ACBD6: variants seen among roughly 807,000 people sequenced by gnomAD.
ACBD6 encodes acyl-CoA-binding domain-containing protein 6.
Under a neutral mutation model 37.2 loss-of-function variants are expected in ACBD6, and 28 were observed. The observed-to-expected ratio is 0.75, with a 90% CI of 0.56 to 1.03. ACBD6 has a LOEUF of 1.03. ACBD6 is among the 50% of genes least tolerant of loss of function. The probability of loss-of-function intolerance (pLI) is 0.00; values close to 1 mark genes in which losing one functional copy is unlikely to be tolerated. For synonymous variants in ACBD6, 113 were observed against 126.8 expected, an observed-to-expected ratio of 0.89 and a Z score of 0.73; for missense variants, 340 against 337.4, an observed-to-expected ratio of 1.01 and a Z score of -0.06.
rs1311687247 is a variant in ACBD6, at chr1:180,502,282, C to G, written c.-16G>C. The G allele has an allele frequency of 6.2e-7, 1 of 1,611,742 alleles. No individual in the cohort carries two copies. The highest frequency in any genetic ancestry group is 1.7e-5 in the Admixed American group (1 of 60,008). On this transcript the variant is annotated 5_prime_UTR_variant, in exon 1 of 8. Transcript: ENST00000367595. The stretch of plus-strand genomic sequence containing the variant: ...ATGAAGCCATGTCTCCTTGCTCGCT[C>G]CGTCCCTCTGTGTCCGGTCTGTCCT...
chr1:180,334,166 A>G (rs1450680836), intron 6 of ACBD6, among the ~76,000 whole-genome samples: 1 of 152,224 alleles, frequency 6.6e-6, no homozygotes, highest in Non-Finnish European at 1.5e-5. Flanking sequence ...TGAAGAGAGT[A>G]GTGGTTCTCC....
chr1:180,305,637 C>T (rs1305697941), intron 7 of ACBD6, among the ~76,000 whole-genome samples: 1 of 152,142 alleles, frequency 6.6e-6, no homozygotes, highest in African/African-American at 2.4e-5. Context: ...AATAGAAACA[C>T]TTTTACACTG....
rs529078961 is a variant in ACBD6, at chr1:180,342,914, AT to A, written c.664-28193del. Among the ~76,000 whole-genome samples the A allele has an allele frequency of 3.4e-3, 509 of 151,908 alleles. 5 individuals are homozygous for A. Among genetic ancestry groups the A allele is most frequent in the African/African-American group, 0.012 (495 of 41,478 alleles). On this transcript the variant is annotated intron_variant, in intron 6 of 7. Transcript: ENST00000367595. Reference sequence around the variant, plus strand: ...ATTTTTCTAGATTTAAATTGATTGAATTTTTTTTGTTGTTTCATTTCAAATG... The same window carrying A: ...ATTTTTCTAGATTTAAATTGATTGAATTTTTTTGTTGTTTCATTTCAAATG...
At chr1:180,331,439 T>C (rs1651476856) in intron 6 of ACBD6, among the ~76,000 whole-genome samples, 1 of 152,208 alleles carries the variant, frequency 6.6e-6, no homozygotes, top group East Asian at 1.9e-4. Flanking sequence ...ACTTATATAA[T>C]CAGAATTTCC....
chr1:180,497,283 T>C (rs1222379933), intron 1 of ACBD6, among the ~76,000 whole-genome samples: 1 of 152,204 alleles, frequency 6.6e-6, no homozygotes, highest in Non-Finnish European at 1.5e-5. Flanking sequence ...CTAAACATTA[T>C]ACATGGCCAT....
intron 1 of ACBD6, among the ~76,000 whole-genome samples, chr1:180,495,964 G>A (rs1284465496): frequency 6.6e-6 from 1 of 152,152 alleles, no homozygotes; most frequent in South Asian, 2.1e-4. Context: ...AACGCTATTA[G>A]CATTTTAACT....
At chr1:180,500,200 G>A (rs1261796658) in intron 1 of ACBD6, among the ~76,000 whole-genome samples, 2 of 150,474 alleles carry the variant, frequency 1.3e-5, no homozygotes, top group Non-Finnish European at 3.0e-5. Flanking sequence ...CAAATACAGG[G>A]GAAAATACGT....
At chr1:180,350,297 G>C (rs114301164) in intron 6 of ACBD6, among the ~76,000 whole-genome samples, 427 of 152,234 alleles carry the variant, frequency 2.8e-3, no homozygotes, top group African/African-American at 9.9e-3. Flanking sequence ...GCCACCCAAA[G>C]TGCTTGGATT....
intron 3 of ACBD6, among the ~76,000 whole-genome samples, chr1:180,479,596 G>A (rs933756992): frequency 1.3e-5 from 2 of 151,860 alleles, no homozygotes; most frequent in African/African-American, 4.8e-5. Flanking sequence ...CAGAGTAGAG[G>A]GACTACACTT....
intron 8 of ACBD6, among the ~76,000 whole-genome samples, chr1:180,282,595 G>C (rs1033885957): frequency 6.6e-6 from 1 of 152,124 alleles, no homozygotes; most frequent in Admixed American, 6.5e-5. Flanking sequence ...TGGAATCCTT[G>C]AAGGTTGCCT....
chr1:180,420,795 G>A (rs887228984), intron 4 of ACBD6, among the ~76,000 whole-genome samples: 3 of 152,156 alleles, frequency 2.0e-5, no homozygotes, highest in Admixed American at 6.5e-5. Flanking sequence ...TCAAGGCACA[G>A]GGGTTAACAG....
chr1:180,285,260 G>A (rs1051678380), downstream of ACBD6, among the ~76,000 whole-genome samples: 2 of 152,130 alleles, frequency 1.3e-5, no homozygotes, highest in Non-Finnish European at 2.9e-5. Context: ...ACTGAACTAC[G>A]ATATGCCATT....
chr1:180,478,542 G>A (rs1312981830), intron 3 of ACBD6, among the ~76,000 whole-genome samples: 1 of 150,710 alleles, frequency 6.6e-6, no homozygotes. Context: ...AGGCTGGAGT[G>A]CAATGGCACA....
intron 3 of ACBD6, among the ~76,000 whole-genome samples, chr1:180,456,815 A>G (rs1649944369): frequency 6.6e-6 from 1 of 151,940 alleles, no homozygotes; most frequent in South Asian, 2.1e-4. Flanking sequence ...CCTCAGCCTC[A>G]GCCTCCCGGG....
At chr1:180,487,175 T>C (rs759380390) in intron 3 of ACBD6, among the ~76,000 whole-genome samples, 2 of 152,120 alleles carry the variant, frequency 1.3e-5, no homozygotes, top group Non-Finnish European at 1.5e-5. Context: ...AATGATAAAT[T>C]TGAATATGGA....
intron 7 of ACBD6, among the ~76,000 whole-genome samples, chr1:180,292,747 G>A (rs1034421747): frequency 1.3e-5 from 2 of 152,012 alleles, no homozygotes; most frequent in African/African-American, 4.8e-5. Context: ...GCATTGGCTA[G>A]AACTTTTAAT....
chr1:180,274,486 C>T, intron 10 of ACBD6: 1 of 1,613,934 alleles, frequency 6.2e-7, no homozygotes, highest in Non-Finnish European at 8.5e-7. Flanking sequence ...GGGGACCCAC[C>T]TCTGACATCT....
At chr1:180,444,837 T>C (rs761719976) in intron 3 of ACBD6, among the ~76,000 whole-genome samples, 2 of 152,224 alleles carry the variant, frequency 1.3e-5, no homozygotes, top group African/African-American at 4.8e-5. Flanking sequence ...GGATAAGTTG[T>C]TGGCTAAATC....
intron 3 of ACBD6, among the ~76,000 whole-genome samples, chr1:180,490,785 C>CA (rs78365337): frequency 0.16 from 12,184 of 75,160 alleles, 910 homozygotes; most frequent in African/African-American, 0.29. Context: ...GACTCTGTCT[C>CA]AAAAAAAAAA....
Sources: gnomAD v4.1 joint callset for allele counts (sites outside exome capture counted in the v4.1 genomes callset) on GRCh38, gnomAD v4.1.1 for gene constraint, MANE v1.5 for transcripts, NCBI Gene and HGNC (gene_info 2026-07-23, HGNC 2026-07-21) for gene names.